The following CNTN3 variants were observed in gnomAD, a reference collection of about 807,000 sequenced individuals.
CNTN3 encodes the protein contactin 3, also known as contactin-3.
Under a neutral mutation model 119.1 loss-of-function variants are expected in CNTN3, and 60 were observed. The ratio of observed to expected loss-of-function variants is 0.50; its 90% CI spans 0.41 to 0.62. The LOEUF (loss-of-function observed/expected upper bound fraction) is 0.62, where lower values mean the gene tolerates loss of function less well. Among genes scored for constraint, CNTN3 ranks in the 20% least tolerant of loss-of-function variants. The pLI is 0.00. For synonymous variants in CNTN3, 450 were observed against 438.7 expected (o/e 1.03, Z -0.32); for missense variants, 1,101 against 1,242.4 (o/e 0.89, Z 1.71).
intron 8 of CNTN3, among the ~76,000 whole-genome samples, chr3:74,366,748 ATG>A (rs1285840377): frequency 1.3e-4 from 15 of 115,072 alleles, no homozygotes; most frequent in South Asian, 9.3e-4. Flanking sequence ...TTTCTCTTTT[ATG>A]TGTGTGTGCG....
At chr3:74,565,645 A>T (rs2106640378) in intron 1 of CNTN3, among the ~76,000 whole-genome samples, 1 of 152,304 alleles carries the variant, frequency 6.6e-6, no homozygotes, top group East Asian at 1.9e-4. Context: ...CACAACCTCC[A>T]ACGTGACATT....
At chr3:74,530,814 G>A (rs1244968796) in intron 1 of CNTN3, among the ~76,000 whole-genome samples, 1 of 151,972 alleles carries the variant, frequency 6.6e-6, no homozygotes, top group Non-Finnish European at 1.5e-5. Flanking sequence ...GCTAGCTGGG[G>A]TGGGGAAGAG....
chr3:74,322,606 T>C (rs1332895411), intron 13 of CNTN3, among the ~76,000 whole-genome samples: 1 of 152,144 alleles, frequency 6.6e-6, no homozygotes, highest in Non-Finnish European at 1.5e-5. Flanking sequence ...AAATTAAACA[T>C]ACTCCTACCA....
In CNTN3 at chr3:74,534,353, TA is replaced by T. The variant is rs1468639945; in HGVS notation, c.-80-13162del. The stretch of plus-strand genomic sequence containing the variant: ...TCACCCTCTCATATCCCCACTTTAT[TA>T]TTTTTTTTCATTATTTGCACACAGG... On this transcript the variant is annotated intron_variant, in intron 1 of 22. Coordinates refer to ENST00000263665, the MANE Select transcript of CNTN3 (RefSeq NM_020872.3). Among the ~76,000 whole-genome samples the T allele has an allele frequency of 1.2e-4, 18 of 152,200 alleles. 1 individual carries two copies. In the South Asian group the frequency reaches 2.5e-3, roughly 21 times the overall value.
intron 3 of CNTN3, among the ~76,000 whole-genome samples, chr3:74,494,605 T>G (rs1261051050): frequency 6.6e-6 from 1 of 152,096 alleles, no homozygotes; most frequent in Non-Finnish European, 1.5e-5. Context: ...TTTAAGAATA[T>G]CTTACAGAAT....
At chr3:74,453,680 G>A (rs1702205359) in intron 4 of CNTN3, among the ~76,000 whole-genome samples, 2 of 150,128 alleles carry the variant, frequency 1.3e-5, no homozygotes, top group Non-Finnish European at 3.0e-5. Flanking sequence ...TCTACACACT[G>A]CTTTGAATGT....
chr3:74,530,872 G>C (rs1422249111), intron 1 of CNTN3, among the ~76,000 whole-genome samples: 1 of 151,936 alleles, frequency 6.6e-6, no homozygotes, highest in East Asian at 1.9e-4. Context: ...AATATCCCCA[G>C]TGTTTTGGAA....
At chr3:74,503,753 C>T (rs7613770) in intron 2 of CNTN3, among the ~76,000 whole-genome samples, 135,170 of 152,078 alleles carry the variant, frequency 0.89, 60,377 homozygotes, top group Non-Finnish European at 0.94. Flanking sequence ...TTCGGATTGA[C>T]GCTAAACTTT....
chr3:74,326,651 T>C (rs769767316), intron 13 of CNTN3, among the ~76,000 whole-genome samples: 27 of 151,718 alleles, frequency 1.8e-4, no homozygotes, highest in Non-Finnish European at 2.8e-4. Flanking sequence ...AGTCATTAAT[T>C]AAAAAAAAAT....
chr3:74,594,540 G>A (rs923198306), intron 1 of CNTN3, among the ~76,000 whole-genome samples: 6 of 151,750 alleles, frequency 4.0e-5, no homozygotes, highest in South Asian at 2.1e-4. Flanking sequence ...GAGAACATGC[G>A]GTGTTTGGTT....
intron 1 of CNTN3, among the ~76,000 whole-genome samples, chr3:74,553,402 G>A (rs967446525): frequency 6.6e-6 from 1 of 152,178 alleles, no homozygotes; most frequent in African/African-American, 2.4e-5. Context: ...ACATACGTGT[G>A]CATGTGTCTT....
intron 12 of CNTN3, among the ~76,000 whole-genome samples, chr3:74,335,737 C>T (rs534812296): frequency 3.3e-5 from 5 of 152,080 alleles, no homozygotes; most frequent in African/African-American, 1.2e-4. Flanking sequence ...CAAAACCTTG[C>T]AGCCACTCCA....
At chr3:74,572,175 A>G (rs1704345073) in intron 1 of CNTN3, among the ~76,000 whole-genome samples, 1 of 152,232 alleles carries the variant, frequency 6.6e-6, no homozygotes, top group Admixed American at 6.5e-5. Context: ...CTTCTGTACT[A>G]CTAGAGGAAG....
intron 1 of CNTN3, among the ~76,000 whole-genome samples, chr3:74,606,110 G>A (rs1244272865): frequency 1.3e-5 from 2 of 151,942 alleles, no homozygotes; most frequent in South Asian, 2.1e-4. Flanking sequence ...CAGCCACTAT[G>A]GGTCAATACA....
intron 4 of CNTN3, among the ~76,000 whole-genome samples, chr3:74,461,770 T>A (rs1188596452): frequency 6.6e-6 from 1 of 152,128 alleles, no homozygotes; most frequent in African/African-American, 2.4e-5. Context: ...TAGTGTTAAA[T>A]AAGTAGGATA....
chr3:74,295,417 T>G (rs902723441), intron 18 of CNTN3, among the ~76,000 whole-genome samples, 181 bp from the exon 19 acceptor site: 1 of 152,222 alleles, frequency 6.6e-6, no homozygotes, highest in Non-Finnish European at 1.5e-5. Context: ...AAAGATGGCA[T>G]CATAGCCAAA....
At chr3:74,588,389 AAC>A (rs1216785491) in intron 1 of CNTN3, among the ~76,000 whole-genome samples, 1 of 152,140 alleles carries the variant, frequency 6.6e-6, no homozygotes, top group Non-Finnish European at 1.5e-5. Flanking sequence ...CTAGGAATCC[AAC>A]GTACAAGGGA....
At chr3:74,511,216 A>G (rs1176798421) in intron 2 of CNTN3, among the ~76,000 whole-genome samples, 1 of 152,188 alleles carries the variant, frequency 6.6e-6, no homozygotes, top group African/African-American at 2.4e-5. Context: ...TCAAAGGTCT[A>G]GCAATCTTCA....
intron 1 of CNTN3, among the ~76,000 whole-genome samples, chr3:74,535,551 A>C (rs775389113): frequency 6.5e-4 from 99 of 152,206 alleles, no homozygotes; most frequent in Non-Finnish European, 1.3e-3. Flanking sequence ...GATAGGCCAG[A>C]TACAAAAGCA....
Sources: allele counts gnomAD v4.1 joint callset (sites outside exome capture counted in the v4.1 genomes callset), GRCh38; gene constraint gnomAD v4.1.1; transcripts MANE v1.5; gene names NCBI Gene and HGNC (gene_info 2026-07-23, HGNC 2026-07-21).